The following TFEC variants were observed in gnomAD, a reference collection of about 807,000 sequenced individuals.
TFEC encodes the protein class E basic helix-loop-helix protein 34.
TFEC carries 31 observed loss-of-function variants against 41.6 expected under a neutral mutation model. The observed-to-expected ratio is 0.74, with a 90% CI of 0.56 to 1.01. The LOEUF (loss-of-function observed/expected upper bound fraction) is 1.01. Ranked by LOEUF, TFEC falls within the 50% of genes least tolerant of loss-of-function variation. The pLI is 0.00. For missense variants in TFEC, 402 were observed against 404.1 expected, an observed-to-expected ratio of 0.99 and a Z score of 0.04; for synonymous variants, 143 against 140.6, an observed-to-expected ratio of 1.02 and a Z score of -0.12.
chr7:116,066,408 A>G (rs1436110929), intron 3 of TFEC, among the ~76,000 whole-genome samples: 2 of 152,120 alleles, frequency 1.3e-5, no homozygotes, highest in Non-Finnish European at 2.9e-5. Flanking sequence ...ATGCTAGAAA[A>G]TAAGATATTT....
chr7:116,008,042 C>T (rs1794866395), intron 1 of TFEC, among the ~76,000 whole-genome samples: 1 of 152,122 alleles, frequency 6.6e-6, no homozygotes, highest in Admixed American at 6.6e-5. Flanking sequence ...TGTCACCACC[C>T]ACCTGGAGAC....
upstream of TFEC, among the ~76,000 whole-genome samples, chr7:116,032,237 C>T (rs1451592647): frequency 6.6e-6 from 1 of 152,026 alleles, no homozygotes; most frequent in Non-Finnish European, 1.5e-5. Flanking sequence ...ACTTTTTTTA[C>T]ATTTTTATCT....
intron 1 of TFEC, among the ~76,000 whole-genome samples, chr7:116,022,410 A>T (rs984228541): frequency 6.6e-6 from 1 of 152,230 alleles, no homozygotes; most frequent in African/African-American, 2.4e-5. Flanking sequence ...TTAAGATTGC[A>T]GATTTTGGAA....
At chr7:115,949,765 A>G (rs1368024125) in intron 6 of TFEC, among the ~76,000 whole-genome samples, 1 of 152,108 alleles carries the variant, frequency 6.6e-6, no homozygotes, top group African/African-American at 2.4e-5. Context: ...AAACCTAGGC[A>G]TTACCATTCA....
chr7:116,025,286 A>T (rs1245801472), intron 1 of TFEC, among the ~76,000 whole-genome samples: 2 of 152,136 alleles, frequency 1.3e-5, no homozygotes, highest in Non-Finnish European at 2.9e-5. Context: ...ACAAGACCAG[A>T]TGTATGAGAC....
intron 3 of TFEC, among the ~76,000 whole-genome samples, chr7:116,066,237 A>G (rs1483637407): frequency 6.6e-6 from 1 of 152,112 alleles, no homozygotes; most frequent in African/African-American, 2.4e-5. Flanking sequence ...TTCCAGGCCC[A>G]TGACAAAGCT....
chr7:115,968,811 T>C (rs1418703465), intron 3 of TFEC, among the ~76,000 whole-genome samples: 1 of 151,934 alleles, frequency 6.6e-6, no homozygotes, highest in Non-Finnish European at 1.5e-5. Context: ...TTCAAGGCCC[T>C]ACTTTGCCAT....
chr7:116,126,755 AT>A (rs1798218153), intron 1 of TFEC, among the ~76,000 whole-genome samples: 1 of 152,156 alleles, frequency 6.6e-6, no homozygotes, highest in Non-Finnish European at 1.5e-5. Flanking sequence ...ACCCCAGTCA[AT>A]TGAGGGAGGA....
chr7:116,046,540 T>C (rs947509141), intron 3 of TFEC, among the ~76,000 whole-genome samples: 3 of 152,174 alleles, frequency 2.0e-5, no homozygotes, highest in Non-Finnish European at 4.4e-5. Context: ...CTTCCCAGTC[T>C]CAGATGTGTC....
At chr7:115,945,933 G>C (rs1009393315) in intron 6 of TFEC, among the ~76,000 whole-genome samples, 1 of 151,664 alleles carries the variant, frequency 6.6e-6, no homozygotes, top group African/African-American at 2.4e-5. Flanking sequence ...TTGTGACAAA[G>C]ACTTTTGTAT....
chr7:116,070,509 T>G (rs1177858487), intron 3 of TFEC, among the ~76,000 whole-genome samples: 1 of 151,460 alleles, frequency 6.6e-6, no homozygotes, highest in Non-Finnish European at 1.5e-5. Context: ...CCAAACAATC[T>G]AATATTAGAC....
At chr7:116,053,362 G>T (rs1251404935) in intron 3 of TFEC, among the ~76,000 whole-genome samples, 1 of 152,180 alleles carries the variant, frequency 6.6e-6, no homozygotes, top group Admixed American at 6.5e-5. Flanking sequence ...GTGGAGAAAG[G>T]ATTTGAGAGT....
intron 3 of TFEC, among the ~76,000 whole-genome samples, chr7:116,048,374 G>A (rs1399652610): frequency 1.3e-5 from 2 of 152,200 alleles, no homozygotes; most frequent in Non-Finnish European, 2.9e-5. Flanking sequence ...TGGAAGAAAG[G>A]TTATCAGTGA....
chr7:116,118,472 T>G (rs549849065), intron 1 of TFEC, among the ~76,000 whole-genome samples: 1 of 151,948 alleles, frequency 6.6e-6, no homozygotes, highest in African/African-American at 2.4e-5. Flanking sequence ...AACCATTTCT[T>G]TTGATCAGTT....
chr7:116,023,521 TA>T (rs1339512054), intron 1 of TFEC, among the ~76,000 whole-genome samples: 1 of 152,128 alleles, frequency 6.6e-6, no homozygotes, highest in Non-Finnish European at 1.5e-5. Context: ...GCAAAAAAAC[TA>T]AAGACTCTGA....
At chr7:116,044,457 C>T (rs971367908) in intron 3 of TFEC, among the ~76,000 whole-genome samples, 2 of 152,196 alleles carry the variant, frequency 1.3e-5, no homozygotes, top group Non-Finnish European at 2.9e-5. Flanking sequence ...TTTCTTTTCA[C>T]AGTGTTATAG....
intron 1 of TFEC, among the ~76,000 whole-genome samples, chr7:116,126,889 A>G: frequency 6.6e-6 from 1 of 152,182 alleles, no homozygotes; most frequent in East Asian, 1.9e-4. Context: ...ATATTGGGAC[A>G]AGAGAATGAA....
intron 2 of TFEC, among the ~76,000 whole-genome samples, chr7:115,974,633 T>C (rs1037315633): frequency 6.6e-6 from 1 of 150,764 alleles, no homozygotes; most frequent in Non-Finnish European, 1.5e-5. Flanking sequence ...TCAAGGCAGA[T>C]AGGGTCCCTA....
intron 3 of TFEC, among the ~76,000 whole-genome samples, chr7:116,057,884 G>C (rs1264581663): frequency 6.6e-6 from 1 of 151,730 alleles, no homozygotes; most frequent in Non-Finnish European, 1.5e-5. Flanking sequence ...AGGAATTATA[G>C]TAAGTAAGCC....
Sources: allele counts gnomAD v4.1 joint callset (sites outside exome capture counted in the v4.1 genomes callset), GRCh38; gene constraint gnomAD v4.1.1; transcripts MANE v1.5; gene names NCBI Gene and HGNC (gene_info 2026-07-23, HGNC 2026-07-21).